UNC45A: variants seen among roughly 807,000 people sequenced by gnomAD.
The protein encoded by UNC45A is protein unc-45 homolog A.
Under a neutral mutation model 103.2 loss-of-function variants are expected in UNC45A, and 78 were observed. That is an observed-to-expected ratio of 0.76 (90% CI 0.63 to 0.91). The LOEUF is 0.91. Among genes scored for constraint, UNC45A ranks in the 40% least tolerant of loss-of-function variants. The probability of loss-of-function intolerance (pLI) is 0.00; values close to 1 mark genes in which losing one functional copy is unlikely to be tolerated. For synonymous variants in UNC45A, 495 were observed against 504.6 expected, an observed-to-expected ratio of 0.98 and a Z score of 0.25; for missense variants, 1,193 against 1,224.8, an observed-to-expected ratio of 0.97 and a Z score of 0.39.
intron 10 of UNC45A, 52 bp from the exon 11 acceptor site, chr15:90,947,744 C>G: frequency 7.1e-7 from 1 of 1,399,386 alleles, no homozygotes; most frequent in Non-Finnish European, 1.0e-6. Flanking sequence ...TGGAGGAGCT[C>G]AGCTCCTGCC....
upstream of UNC45A, chr15:90,932,554 C>T (rs1208888604): frequency 1.6e-6 from 2 of 1,244,108 alleles, no homozygotes; most frequent in Admixed American, 4.1e-5. Flanking sequence ...GCGGATGGGG[C>T]CGACGACTGC....
At chr15:90,936,984 A>G (rs1365905540) in intron 4 of UNC45A, among the ~76,000 whole-genome samples, 3 of 152,258 alleles carry the variant, frequency 2.0e-5, no homozygotes, top group Non-Finnish European at 2.9e-5. Flanking sequence ...AGACTCTTAT[A>G]TAGTTACTGA....
chr15:90,947,043 G>A, intron 10 of UNC45A, 129 bp downstream of exon 10: 1 of 1,152,268 alleles, frequency 8.7e-7, no homozygotes, highest in South Asian at 1.6e-5. Context: ...AAAAAAATTA[G>A]CTAGGCTTGG....
In UNC45A at chr15:90,953,213, G is replaced by T. The variant is rs1233179686; in HGVS notation, c.2480G>T (p.Ser827Ile). ...NDRLKLLVLY[S>I]GEDDELLQRA... ...CGACTGAAGCTGCTGGTGCTGTACA[G>T]TGGAGAGGATGATGAGCTGCTACAG... The change falls in exon 19 of 20, where the codon AGT becomes ATT. Residue 827 changes from serine (S) to isoleucine (I), a missense_variant. By Grantham distance (142) the Ser-to-Ile change is moderately radical. Coordinates refer to ENST00000418476, the MANE Select transcript of UNC45A (RefSeq NM_018671.5). 1.2e-6 allele frequency: 2 copies of T among 1,613,856 alleles called. No individual in the cohort carries two copies. The highest frequency in any genetic ancestry group is 1.7e-6 in the Non-Finnish European group (2 of 1,180,048).
Position 90,953,570 on chromosome 15 carries a change from G to A in UNC45A, c.2689G>A (p.Ala897Thr). ...CATGGTGGAGGCCTCGAGGGAGATT[G>A]CCAGCACCCTGATGGAGAGTGAGAT... ...LNMVEASREI[A>T]STLMESEMME... is the part of the protein sequence containing the mutation. The change falls in exon 20 of 20, where the codon GCC becomes ACC. Residue 897 changes from alanine (A) to threonine (T), a missense_variant. By Grantham distance (58) the Ala-to-Thr change is moderately conservative. Coordinates refer to ENST00000418476, the MANE Select transcript of UNC45A (RefSeq NM_018671.5). The A allele has an allele frequency of 6.2e-7, 1 of 1,614,180 alleles. No homozygotes were observed. Among genetic ancestry groups the A allele is most frequent in the South Asian group, 1.1e-5 (1 of 91,084 alleles).
chr15:90,940,513 TTGTC>T (rs999398687), intron 6 of UNC45A, 40 bp downstream of exon 6: 7 of 1,581,320 alleles, frequency 4.4e-6, no homozygotes, highest in African/African-American at 4.0e-5. Context: ...TTCAGTCCCT[TTGTC>T]TGTCTGTCCA....
At chr15:90,931,734 G>C (rs1024119139), upstream of UNC45A, 1 of 1,614,114 alleles carries the variant, frequency 6.2e-7, no homozygotes, top group Non-Finnish European at 8.5e-7. Flanking sequence ...AGGTCCCTCA[G>C]ATTGTACAGC....
chr15:90,932,585 A>G, upstream of UNC45A: 1 of 1,164,364 alleles, frequency 8.6e-7, no homozygotes, highest in East Asian at 3.2e-5. Flanking sequence ...GCAGGGACGG[A>G]ACGTTTACAG....
intron 6 of UNC45A, 145 bp from the exon 7 acceptor site, chr15:90,942,292 A>G (rs2036331738): frequency 1.1e-6 from 1 of 922,594 alleles, no homozygotes; most frequent in Non-Finnish European, 1.6e-6. Context: ...GGGTCATGCC[A>G]TCCATTCTGT....
intron 15 of UNC45A, 129 bp downstream of exon 15, chr15:90,949,849 G>A (rs760816445): frequency 4.1e-5 from 42 of 1,013,856 alleles, no homozygotes; most frequent in Admixed American, 8.1e-5. Flanking sequence ...GAGGAACACC[G>A]TCCCGCTGAG....
At chr15:90,936,794 C>T (rs1009002759) in intron 4 of UNC45A, among the ~76,000 whole-genome samples, 8 of 152,128 alleles carry the variant, frequency 5.3e-5, no homozygotes, top group East Asian at 1.9e-4. Context: ...TTCAAATGAG[C>T]GTATCTTGTG....
At position 90,947,604 on chromosome 15, in the gene UNC45A, C is replaced by T. The variant is rs144002184; in HGVS notation, c.1501-192C>T. ...CAGTGTCTGCAGATGCTGTGTCATG[C>T]GGCCACCCCAGTAGCTGATTTTCTT... On this transcript the variant is annotated intron_variant, in intron 10 of 19. Coordinates refer to ENST00000418476, the MANE Select transcript of UNC45A (RefSeq NM_018671.5). 6.5e-3 allele frequency: 3,895 copies of T among 595,234 alleles called. 24 individuals are homozygous for T. The highest frequency in any genetic ancestry group is 9.1e-3 in the Non-Finnish European group (3,008 of 330,768). The allele number at this position is 595,234 out of a possible 1,614,324, so 36.9% of individuals were successfully genotyped here.
intron 8 of UNC45A, 145 bp from the exon 9 acceptor site, chr15:90,944,747 G>C (rs775884072): frequency 1.0e-6 from 1 of 968,582 alleles, no homozygotes; most frequent in Non-Finnish European, 1.5e-6. Context: ...CAGCTAAGCA[G>C]ATTCTCCGGG....
chr15:90,931,973 G>A (rs768239108), upstream of UNC45A: 4 of 1,613,794 alleles, frequency 2.5e-6, no homozygotes, highest in Non-Finnish European at 3.4e-6. Context: ...TCAGCCCTGA[G>A]ATGTCAGCCA....
In UNC45A at chr15:90,946,622, T is replaced by C; in HGVS notation, c.1208T>C (p.Phe403Ser). The C allele has an allele frequency of 6.2e-7, 1 of 1,603,798 alleles. No homozygotes were observed. The highest frequency in any genetic ancestry group is 1.1e-5 in the South Asian group (1 of 90,346). Reference protein sequence around the residue: ...RLCENYIKSWFEGQGLAGKLR... With the variant: ...RLCENYIKSWSEGQGLAGKLR... ...CACCCTGTGCCCCTCAGGAGCTGGT[T>C]TGAGGGCCAAGGGCTGGCCGGGAAG... is the stretch of plus-strand genomic sequence containing the variant. Residue 403 changes from phenylalanine to serine, a missense_variant, in exon 10 of 20, where the codon TTT (phenylalanine) becomes TCT (serine). Transcript: ENST00000418476.
rs374867659 is a variant in UNC45A at position 90,946,993 on chromosome 15, C to T, written c.1500+79C>T. 396 of 1,488,350 alleles carry T rather than the reference C, an allele frequency of 2.7e-4. 5 individuals are homozygous for T. The East Asian group carries it at 8.5e-3, about 32-fold the overall frequency. The allele number at this position is 1,488,350 out of a possible 1,614,324, so 92.2% of individuals were successfully genotyped here. On this transcript the variant is annotated intron_variant, in intron 10 of 19. Coordinates refer to ENST00000418476, the MANE Select transcript of UNC45A (RefSeq NM_018671.5). The stretch of plus-strand genomic sequence containing the variant: ...CCAGCCGGTGTTGCAGGGTGTGGCC[C>T]CAGCACACTCCAGATGAAAATAAGG...
In UNC45A at chr15:90,944,996, C is replaced by G; in HGVS notation, c.1132C>G (p.Leu378Val). 4.3e-6 allele frequency: 7 copies of G among 1,613,070 alleles called. No individual in the cohort carries two copies. Among genetic ancestry groups the G allele is most frequent in the Non-Finnish European group, 5.9e-6 (7 of 1,180,034 alleles). Residue 378 changes from leucine (L) to valine (V), a missense_variant, in exon 9 of 20, where the codon CTC becomes GTC. Coordinates refer to ENST00000418476, the MANE Select transcript of UNC45A (RefSeq NM_018671.5). ...GAGCGCCTCTATTCTCCTCAGCAAG[C>G]TCTTTGATGACCTCAAGTGTGATGC... Reference protein sequence around the residue: ...RMSASILLSKLFDDLKCDAER... With the variant: ...RMSASILLSKVFDDLKCDAER...
rs529574225 is a variant in UNC45A, at chr15:90,948,084, G to A, written c.1596-58G>A. The A allele has an allele frequency of 2.1e-5, 33 of 1,603,562 alleles. No homozygotes were observed. The East Asian group carries it at 3.8e-4, about 18-fold the overall frequency. Reference sequence around the variant, plus strand: ...CCCTTGGTTTTTCCCCCTTGGCCTTGGTGTACCCCTCCGTACCCCCAATCC... The same window carrying A: ...CCCTTGGTTTTTCCCCCTTGGCCTTAGTGTACCCCTCCGTACCCCCAATCC... On this transcript the variant is annotated intron_variant, in intron 11 of 19. Coordinates refer to ENST00000418476, the MANE Select transcript of UNC45A (RefSeq NM_018671.5).
Position 90,935,583 on chromosome 15 carries a change from C to T in UNC45A, c.91C>T (p.Leu31=). The stretch of plus-strand genomic sequence containing the variant: ...GCAGCTGCGGAAGGAGGGCAATGAG[C>T]TGTTCAAATGTGGAGACTACGGGGG... ...VEQLRKEGNE[L]FKCGDYGGAL... is the part of the protein sequence containing the mutation. Residue 31 remains leucine, a synonymous_variant, in exon 2 of 20, where the codon CTG becomes TTG. Transcript: ENST00000418476. The T allele has an allele frequency of 6.2e-7, 1 of 1,612,774 alleles. No individual in the cohort carries two copies.
Sources: allele counts gnomAD v4.1 joint callset (sites outside exome capture counted in the v4.1 genomes callset), GRCh38; gene constraint gnomAD v4.1.1; transcripts MANE v1.5; gene names NCBI Gene and HGNC (gene_info 2026-07-23, HGNC 2026-07-21).